The following DNAJC1 variants were observed in gnomAD, a reference collection of about 807,000 sequenced individuals.
DNAJC1 encodes DnaJ heat shock protein family (Hsp40) member C1, also known as dnaJ homolog subfamily C member 1.
DNAJC1 carries 58 observed loss-of-function variants against 76.6 expected under a neutral mutation model. The ratio of observed to expected loss-of-function variants is 0.76; its 90% confidence interval spans 0.61 to 0.94. The LOEUF is 0.94. Ranked by LOEUF, DNAJC1 falls within the 40% of genes least tolerant of loss-of-function variation. DNAJC1 has a pLI of 0.00. For missense variants in DNAJC1, 689 were observed against 677.3 expected (o/e 1.02, Z -0.19); for synonymous variants, 258 against 267.9 (o/e 0.96, Z 0.36).
At chr10:21,847,930 G>A (rs1390220605) in intron 8 of DNAJC1, among the ~76,000 whole-genome samples, 1 of 152,050 alleles carries the variant, frequency 6.6e-6, no homozygotes, top group Non-Finnish European at 1.5e-5. Context: ...TGGGCATGCA[G>A]GTATCACTTT....
chr10:21,981,182 A>C (rs1838150549), intron 1 of DNAJC1, among the ~76,000 whole-genome samples: 1 of 152,170 alleles, frequency 6.6e-6, no homozygotes, highest in Non-Finnish European at 1.5e-5. Context: ...TCCCCGTTTT[A>C]TATTTGTGCA....
In DNAJC1 at chr10:21,849,292, C is replaced by CAAAAAAA. The variant is rs33953332; in HGVS notation, c.978+32983_978+32989dup. On this transcript the variant is annotated intron_variant, in intron 8 of 11. Coordinates refer to ENST00000376980, the MANE Select transcript of DNAJC1 (RefSeq NM_022365.4). ...TGGGTGACAGAGTGGGACTCCGCCT[C>CAAAAAAA]AAAAAAAAAAAAAAAAAAAAAAAAA... is the stretch of plus-strand genomic sequence containing the variant. 2.0e-3 allele frequency among the ~76,000 whole-genome samples: 73 copies of CAAAAAAA among 35,868 alleles called. 7 individuals are homozygous for CAAAAAAA. The highest frequency in any genetic ancestry group is 7.2e-3 in the African/African-American group (58 of 8,084). The allele number at this position is 35,868 out of a possible 152,430, so 23.5% of individuals were successfully genotyped here.
intron 9 of DNAJC1, among the ~76,000 whole-genome samples, chr10:21,800,075 T>C (rs10508639): frequency 0.79 from 119,807 of 152,048 alleles, 48,051 homozygotes; most frequent in East Asian, 0.99. Flanking sequence ...ACAAAGTTGT[T>C]TCAGGTGTCC....
At chr10:21,870,577 G>C (rs991005415) in intron 8 of DNAJC1, among the ~76,000 whole-genome samples, 4 of 151,940 alleles carry the variant, frequency 2.6e-5, no homozygotes, top group African/African-American at 9.7e-5. Flanking sequence ...AGTTGGAGAC[G>C]AGCCTAGGTA....
chr10:21,941,929 G>T (rs1357705939), intron 1 of DNAJC1, among the ~76,000 whole-genome samples: 1 of 152,084 alleles, frequency 6.6e-6, no homozygotes, highest in African/African-American at 2.4e-5. Flanking sequence ...TAACCACTAT[G>T]TAACAGAAAA....
chr10:21,837,054 G>A (rs1409802642), intron 8 of DNAJC1, among the ~76,000 whole-genome samples: 1 of 152,234 alleles, frequency 6.6e-6, no homozygotes, highest in Non-Finnish European at 1.5e-5. Context: ...GGGATTGCAG[G>A]CGTGCGCCGC....
At chr10:21,974,270 C>T (rs758742042) in intron 1 of DNAJC1, among the ~76,000 whole-genome samples, 11 of 151,958 alleles carry the variant, frequency 7.2e-5, no homozygotes, top group Non-Finnish European at 1.5e-4. Flanking sequence ...CCCTCAAGAA[C>T]ATAGGAAATG....
intron 8 of DNAJC1, among the ~76,000 whole-genome samples, chr10:21,829,128 G>C (rs575969087): frequency 6.6e-6 from 1 of 151,758 alleles, no homozygotes; most frequent in African/African-American, 2.4e-5. Flanking sequence ...CCTCCTGGGT[G>C]CAAGCGATTC....
At chr10:21,767,296 A>C (rs572823087) in intron 9 of DNAJC1, among the ~76,000 whole-genome samples, 1 of 152,264 alleles carries the variant, frequency 6.6e-6, no homozygotes, top group African/African-American at 2.4e-5. Flanking sequence ...GTCTGGTGGT[A>C]ATTTTTTTTC....
intron 6 of DNAJC1, among the ~76,000 whole-genome samples, chr10:21,910,830 AGGAG>A: frequency 1.3e-4 from 1 of 7,712 alleles, no homozygotes; most frequent in South Asian, 7.8e-3. Context: ...AAAGAAAGGA[AGGAG>A]AGGAGAGGAG....
At chr10:21,917,734 T>C (rs184041659) in intron 6 of DNAJC1, among the ~76,000 whole-genome samples, 25 of 152,122 alleles carry the variant, frequency 1.6e-4, no homozygotes, top group Admixed American at 1.4e-3. Context: ...CTATTAACTG[T>C]AAACAAAATA....
At chr10:21,832,349 A>C (rs995137834) in intron 8 of DNAJC1, among the ~76,000 whole-genome samples, 4 of 152,134 alleles carry the variant, frequency 2.6e-5, no homozygotes, top group African/African-American at 9.7e-5. Context: ...AATGTATGTC[A>C]AGGTCCCCAG....
At chr10:21,911,811 T>G (rs1469845903) in intron 6 of DNAJC1, among the ~76,000 whole-genome samples, 3 of 152,188 alleles carry the variant, frequency 2.0e-5, no homozygotes, top group Non-Finnish European at 4.4e-5. Context: ...TCATTCTGTT[T>G]GTTTTTTCTT....
chr10:21,794,783 C>T (rs982057362), intron 9 of DNAJC1, among the ~76,000 whole-genome samples: 5 of 151,958 alleles, frequency 3.3e-5, no homozygotes, highest in Admixed American at 1.3e-4. Flanking sequence ...AAAAGACAAA[C>T]CACACAGTGG....
At chr10:21,771,831 G>C (rs555106868) in intron 9 of DNAJC1, among the ~76,000 whole-genome samples, 1 of 152,172 alleles carries the variant, frequency 6.6e-6, no homozygotes, top group Non-Finnish European at 1.5e-5. Context: ...GTGTGATACT[G>C]CTTTTTATTC....
At position 21,979,238 on chromosome 10, in the gene DNAJC1, T is replaced by A. The variant is rs556106625; in HGVS notation, c.222+23975A>T. 1.3e-5 allele frequency among the ~76,000 whole-genome samples: 2 copies of A among 152,200 alleles called. 1 individual carries two copies. Among genetic ancestry groups the A allele is most frequent in the South Asian group, 4.1e-4 (2 of 4,820 alleles). ...GGTTTTGTGGCTTCAAGAACTTCTATGGTTTCTACTATGTAAAGCTATCTG... is the reference window on the plus strand; with the variant it reads ...GGTTTTGTGGCTTCAAGAACTTCTAAGGTTTCTACTATGTAAAGCTATCTG... On this transcript the variant is annotated intron_variant, in intron 1 of 11. Transcript: ENST00000376980.
rs780175164 is a variant in DNAJC1 at position 21,822,815 on chromosome 10, T to C, written c.979-16716A>G. ...ATAATTTTAGGTGTCAGAACAGTCATGACAAGGCTTGAAAATTCTAAAGAT... is the reference window on the plus strand; with the variant it reads ...ATAATTTTAGGTGTCAGAACAGTCACGACAAGGCTTGAAAATTCTAAAGAT... On this transcript the variant is annotated intron_variant, in intron 8 of 11. Transcript: ENST00000376980. Among the ~76,000 whole-genome samples the C allele has an allele frequency of 2.0e-5, 3 of 151,904 alleles. No homozygotes were observed. The East Asian group carries it at 5.8e-4, about 29-fold the overall frequency.
chr10:21,761,921 T>G (rs1005381753), intron 10 of DNAJC1, among the ~76,000 whole-genome samples: 1 of 152,202 alleles, frequency 6.6e-6, no homozygotes, highest in Non-Finnish European at 1.5e-5. Context: ...TTTATTTTTA[T>G]TTTTTGAGAT....
At position 21,924,321 on chromosome 10, in the gene DNAJC1, G is replaced by A. The variant is rs150172392; in HGVS notation, c.372-3358C>T. Among the ~76,000 whole-genome samples the A allele has an allele frequency of 8.6e-5, 13 of 152,024 alleles. No individual in the cohort carries two copies. The East Asian group carries it at 2.5e-3, about 29-fold the overall frequency. On this transcript the variant is annotated intron_variant, in intron 3 of 11. Coordinates refer to ENST00000376980, the MANE Select transcript of DNAJC1 (RefSeq NM_022365.4). Reference sequence around the variant, plus strand: ...ACATATTAAGGCTGAATAACTATACGTTTAACAGCATTTGTAAATGAAACG... The same window carrying A: ...ACATATTAAGGCTGAATAACTATACATTTAACAGCATTTGTAAATGAAACG...
Sources: allele counts gnomAD v4.1 joint callset (sites outside exome capture counted in the v4.1 genomes callset), GRCh38; gene constraint gnomAD v4.1.1; transcripts MANE v1.5; gene names NCBI Gene and HGNC (gene_info 2026-07-23, HGNC 2026-07-21).